MCC: variants seen among roughly 807,000 people sequenced by gnomAD.
MCC encodes the protein MCC regulator of Wnt signaling pathway.
MCC carries 90 observed loss-of-function variants against 116.2 expected under a neutral mutation model. The ratio of observed to expected loss-of-function variants is 0.77; its 90% CI spans 0.65 to 0.92. The LOEUF is 0.92. Among genes scored for constraint, MCC ranks in the 40% least tolerant of loss-of-function variants. MCC has a pLI of 0.00. For missense variants in MCC, 1,516 were observed against 1,312.2 expected (o/e 1.16, Z -2.40); for synonymous variants, 578 against 510.5 (o/e 1.13, Z -1.78).
rs766867247 is a variant in MCC, at chr5:113,063,977, G to A, written c.2213+7C>T. On this transcript the variant is annotated splice_region_variant and intron_variant, in intron 14 of 18. Transcript: ENST00000408903. Reference sequence around the variant, plus strand: ...CGCCCACCCCAGAGCAGAAGGCTGAGCATTACCTGGTGTGGCTGTTGGAGG... The same window carrying A: ...CGCCCACCCCAGAGCAGAAGGCTGAACATTACCTGGTGTGGCTGTTGGAGG... 5 of 1,609,928 alleles carry A rather than the reference G, an allele frequency of 3.1e-6. No homozygotes were observed. The highest frequency in any genetic ancestry group is 4.2e-6 in the Non-Finnish European group (5 of 1,178,436).
At chr5:113,451,702 G>A (rs1301690724) in intron 1 of MCC, among the ~76,000 whole-genome samples, 1 of 152,130 alleles carries the variant, frequency 6.6e-6, no homozygotes, top group East Asian at 1.9e-4. Flanking sequence ...TGGGCAACAA[G>A]AGTGAAACTC....
At chr5:113,468,915 G>T (rs938173168) in intron 1 of MCC, among the ~76,000 whole-genome samples, 1 of 152,184 alleles carries the variant, frequency 6.6e-6, no homozygotes, top group African/African-American at 2.4e-5. Flanking sequence ...TCTTGGGAGG[G>T]TGTATGTGTC....
rs1750402467 is a variant in MCC, at chr5:113,024,648, G to C, written c.*2654C>G. On this transcript the variant is annotated 3_prime_UTR_variant, in exon 19 of 19. Transcript: ENST00000408903. ...CATATAAATTAGAATCAAGATCATTGTTTACCCTCATTGGAGATGTTTGTT... is the reference window on the plus strand; with the variant it reads ...CATATAAATTAGAATCAAGATCATTCTTTACCCTCATTGGAGATGTTTGTT... 6.6e-6 allele frequency: 1 copy of C among 152,130 alleles called. No individual in the cohort carries two copies. Among genetic ancestry groups the C allele is most frequent in the East Asian group, 1.9e-4 (1 of 5,194 alleles). The allele number at this position is 152,130 out of a possible 1,614,324, so 9.4% of individuals were successfully genotyped here.
chr5:113,108,652 C>CA (rs58617659), intron 6 of MCC, among the ~76,000 whole-genome samples: 186 of 115,294 alleles, frequency 1.6e-3, no homozygotes, highest in African/African-American at 5.3e-3. Flanking sequence ...GACTCCATTT[C>CA]AAAAAAAAAA....
chr5:113,125,553 AG>A (rs1757999262), intron 5 of MCC, among the ~76,000 whole-genome samples: 1 of 152,174 alleles, frequency 6.6e-6, no homozygotes, highest in South Asian at 2.1e-4. Context: ...CATTCCTGAA[AG>A]GGGGCTGGAA....
At chr5:113,282,134 C>T (rs1049893834) in intron 3 of MCC, among the ~76,000 whole-genome samples, 1 of 152,174 alleles carries the variant, frequency 6.6e-6, no homozygotes, top group South Asian at 2.1e-4. Context: ...ATTTCAGAGT[C>T]TATAACTTTA....
chr5:113,146,686 G>A (rs1008251370), intron 4 of MCC, among the ~76,000 whole-genome samples: 2 of 152,092 alleles, frequency 1.3e-5, no homozygotes, highest in Non-Finnish European at 1.5e-5. Context: ...GCGGCCTCTG[G>A]GACCAAAGGC....
chr5:113,215,278 C>T (rs1763269706), intron 3 of MCC, among the ~76,000 whole-genome samples: 2 of 152,118 alleles, frequency 1.3e-5, no homozygotes, highest in Non-Finnish European at 2.9e-5. Flanking sequence ...CTTCAGACAA[C>T]TTGGTGGGGG....
intron 17 of MCC, among the ~76,000 whole-genome samples, chr5:113,041,491 G>A (rs1289168426): frequency 6.6e-6 from 1 of 152,164 alleles, no homozygotes; most frequent in African/African-American, 2.4e-5. Context: ...AAGGAAGAAG[G>A]GGATTCAGAG....
intron 3 of MCC, among the ~76,000 whole-genome samples, chr5:113,215,665 T>C (rs918590396): frequency 6.6e-6 from 1 of 152,166 alleles, no homozygotes; most frequent in Admixed American, 6.5e-5. Flanking sequence ...CAAGCCCTCT[T>C]AGAAGCAGAG....
chr5:113,121,355 G>T (rs1757725835), intron 6 of MCC, among the ~76,000 whole-genome samples: 1 of 152,114 alleles, frequency 6.6e-6, no homozygotes, highest in Admixed American at 6.5e-5. Context: ...GCCAAACATG[G>T]TCTCTGTCAT....
intron 3 of MCC, among the ~76,000 whole-genome samples, chr5:113,166,589 T>A (rs572929837): frequency 8.2e-4 from 124 of 151,880 alleles, no homozygotes; most frequent in Admixed American, 2.0e-3. Flanking sequence ...CCGAAGACTC[T>A]GAGTCTTCGT....
intron 10 of MCC, among the ~76,000 whole-genome samples, chr5:113,083,739 T>C (rs1755019764): frequency 6.6e-6 from 1 of 152,112 alleles, no homozygotes; most frequent in Non-Finnish European, 1.5e-5. Context: ...CCTTTCAAGA[T>C]GGATGTGCAA....
At chr5:113,152,746 G>C (rs1281965554) in intron 3 of MCC, among the ~76,000 whole-genome samples, 2 of 152,262 alleles carry the variant, frequency 1.3e-5, no homozygotes, top group East Asian at 1.9e-4. Context: ...AGTTGTTTTT[G>C]TTAGACTCTA....
At chr5:113,397,419 T>G (rs1339897016) in intron 1 of MCC, among the ~76,000 whole-genome samples, 1 of 152,114 alleles carries the variant, frequency 6.6e-6, no homozygotes, top group Non-Finnish European at 1.5e-5. Flanking sequence ...AAAACGCTTT[T>G]GGTTGTGGTT....
At chr5:113,332,250 C>A (rs1011769291) in intron 3 of MCC, among the ~76,000 whole-genome samples, 37 of 151,482 alleles carry the variant, frequency 2.4e-4, no homozygotes. Context: ...ATGATCATAG[C>A]GCACTGCAGC....
intron 1 of MCC, among the ~76,000 whole-genome samples, chr5:113,407,331 A>T (rs1184874328): frequency 6.6e-6 from 1 of 152,248 alleles, no homozygotes; most frequent in Non-Finnish European, 1.5e-5. Flanking sequence ...TAAGTGTATT[A>T]TGGCATTAGG....
rs186216104 is a variant in MCC, at chr5:113,033,971, C to T, written c.2757-4915G>A. On this transcript the variant is annotated intron_variant, in intron 17 of 18. Transcript: ENST00000408903. The stretch of plus-strand genomic sequence containing the variant: ...CACAAATCACAGCTCACTGCAGCCT[C>T]GACCTCCCAGGCTCAAGCAATCCCC... Among the ~76,000 whole-genome samples the T allele has an allele frequency of 1.6e-3, 247 of 152,274 alleles. 4 individuals carry two copies. In the South Asian group the frequency reaches 0.026, roughly 16 times the overall value.
intron 1 of MCC, among the ~76,000 whole-genome samples, chr5:113,418,298 A>G (rs1184980060): frequency 6.6e-6 from 1 of 151,908 alleles, no homozygotes; most frequent in African/African-American, 2.4e-5. Flanking sequence ...AATAAAAAAG[A>G]AAGAAAAGAA....
Sources: gnomAD v4.1 joint callset for allele counts (sites outside exome capture counted in the v4.1 genomes callset) on GRCh38, gnomAD v4.1.1 for gene constraint, MANE v1.5 for transcripts, NCBI Gene and HGNC (gene_info 2026-07-23, HGNC 2026-07-21) for gene names.